The following DPP10 variants were observed in gnomAD, a reference collection of about 807,000 sequenced individuals.
The protein encoded by DPP10 is dipeptidyl peptidase like 10, also known as inactive dipeptidyl peptidase 10.
DPP10 carries 33 observed loss-of-function variants against 120.9 expected under a neutral mutation model. The ratio of observed to expected loss-of-function variants is 0.27; its 90% CI spans 0.21 to 0.37. DPP10 has a LOEUF of 0.37. Among genes scored for constraint, DPP10 ranks in the 10% least tolerant of loss-of-function variants. DPP10 has a pLI of 1.00. For synonymous variants in DPP10, 337 were observed against 326.1 expected (o/e 1.03, Z -0.36); for missense variants, 816 against 942.8 (o/e 0.87, Z 1.76).
At chr2:114,617,071 T>C (rs992065009) in intron 1 of DPP10, among the ~76,000 whole-genome samples, 1 of 152,086 alleles carries the variant, frequency 6.6e-6, no homozygotes, top group African/African-American at 2.4e-5. Flanking sequence ...ACACGTTCTA[T>C]AAGACAACTG....
At chr2:115,707,462 ACT>A (rs749106578) in intron 7 of DPP10, among the ~76,000 whole-genome samples, 2,854 of 134,374 alleles carry the variant, frequency 0.021, 72 homozygotes, top group South Asian at 0.076. Context: ...ACACACACAC[ACT>A]CTCTCCACAT....
chr2:115,388,668 A>G lies in DPP10; in HGVS notation c.271+44756A>G, dbSNP rs944360909. On this transcript the variant is annotated intron_variant, in intron 3 of 25. Coordinates refer to ENST00000410059, the MANE Select transcript of DPP10 (RefSeq NM_020868.6). ...AAATGCTATATTAACTTTCCTGATT[A>G]TGTTGTTTTTTTCTCCTACTAGACT... Among the ~76,000 whole-genome samples, 3 of 152,194 alleles carry G rather than the reference A, an allele frequency of 2.0e-5. No homozygotes were observed. The East Asian group carries it at 5.8e-4, about 29-fold the overall frequency.
chr2:114,946,349 G>C (rs1697346326), intron 1 of DPP10, among the ~76,000 whole-genome samples: 1 of 152,070 alleles, frequency 6.6e-6, no homozygotes. Context: ...TTTTTTTAAA[G>C]GAGGATCTAA....
At chr2:114,700,688 C>T (rs549540836) in intron 1 of DPP10, among the ~76,000 whole-genome samples, 14 of 152,116 alleles carry the variant, frequency 9.2e-5, no homozygotes, top group Middle Eastern at 6.8e-3. Flanking sequence ...GCCTTTATGA[C>T]GGAATTCATG....
chr2:114,738,724 T>A (rs968303942), intron 1 of DPP10, among the ~76,000 whole-genome samples: 11 of 152,248 alleles, frequency 7.2e-5, no homozygotes, highest in African/African-American at 2.6e-4. Context: ...AAAAGGAGAA[T>A]AGTAACTTCC....
intron 7 of DPP10, among the ~76,000 whole-genome samples, chr2:115,696,176 G>A (rs1007614771): frequency 6.6e-6 from 1 of 151,980 alleles, no homozygotes. Flanking sequence ...AGAGGGAGAT[G>A]AAGGGGTAGA....
intron 1 of DPP10, among the ~76,000 whole-genome samples, chr2:114,784,012 A>G (rs1029037312): frequency 2.0e-5 from 3 of 151,660 alleles, no homozygotes; most frequent in Non-Finnish European, 4.4e-5. Flanking sequence ...TGCCAGAAAA[A>G]CCTGACCTGC....
chr2:115,339,436 C>T (rs1183564311), intron 2 of DPP10, among the ~76,000 whole-genome samples: 1 of 152,020 alleles, frequency 6.6e-6, no homozygotes, highest in East Asian at 1.9e-4. Context: ...ACATTTGACC[C>T]AGCAACTGCA....
chr2:115,380,965 T>G (rs1050519643), intron 3 of DPP10, among the ~76,000 whole-genome samples: 1 of 152,206 alleles, frequency 6.6e-6, no homozygotes, highest in Non-Finnish European at 1.5e-5. Flanking sequence ...ACCTGACCTT[T>G]CTCTCTGGCT....
At position 115,427,460 on chromosome 2, in the gene DPP10, C is replaced by T. The variant is rs559565804; in HGVS notation, c.272-72050C>T. Reference sequence around the variant, plus strand: ...GTGCATGCCTACAGGCTTAACACTACGTGGAAACCACCAAGGCTTATGGTG... The same window carrying T: ...GTGCATGCCTACAGGCTTAACACTATGTGGAAACCACCAAGGCTTATGGTG... On this transcript the variant is annotated intron_variant, in intron 3 of 25. Coordinates refer to ENST00000410059, the MANE Select transcript of DPP10 (RefSeq NM_020868.6). Among the ~76,000 whole-genome samples, 20 of 152,336 alleles carry T rather than the reference C, an allele frequency of 1.3e-4. No individual in the cohort carries two copies. The South Asian group carries it at 3.1e-3, about 24-fold the overall frequency.
chr2:114,782,153 C>T lies in DPP10; in HGVS notation c.60+339315C>T, dbSNP rs191991536. On this transcript the variant is annotated intron_variant, in intron 1 of 25. Coordinates refer to ENST00000410059, the MANE Select transcript of DPP10 (RefSeq NM_020868.6). Reference sequence around the variant, plus strand: ...ACAGTTGTGCGTGTGTGTGCATGTACGTTGCATATTTTTTAATGGAATCTT... The same window carrying T: ...ACAGTTGTGCGTGTGTGTGCATGTATGTTGCATATTTTTTAATGGAATCTT... Among the ~76,000 whole-genome samples the T allele has an allele frequency of 4.6e-5, 7 of 151,840 alleles. No homozygotes were observed. In the East Asian group the frequency reaches 7.8e-4, roughly 17 times the overall value.
At chr2:114,546,163 TA>T (rs142662300) in intron 1 of DPP10, among the ~76,000 whole-genome samples, 2 of 150,894 alleles carry the variant, frequency 1.3e-5, no homozygotes, top group South Asian at 2.1e-4. Flanking sequence ...AGTAACTTAT[TA>T]AAAAAAAAGA....
At chr2:114,687,291 C>A (rs1699435725) in intron 1 of DPP10, among the ~76,000 whole-genome samples, 1 of 152,020 alleles carries the variant, frequency 6.6e-6, no homozygotes, top group South Asian at 2.1e-4. Context: ...AGGAAAGACT[C>A]CCTGGGGACT....
At chr2:114,898,562 A>T (rs887413635) in intron 1 of DPP10, among the ~76,000 whole-genome samples, 3 of 152,184 alleles carry the variant, frequency 2.0e-5, no homozygotes, top group African/African-American at 7.2e-5. Flanking sequence ...CAGGGCTTGG[A>T]ATGGAGTGTA....
At chr2:115,241,190 A>AC (rs1361791865) in intron 1 of DPP10, among the ~76,000 whole-genome samples, 1 of 152,012 alleles carries the variant, frequency 6.6e-6, no homozygotes, top group East Asian at 1.9e-4. Context: ...AATTGCTTGA[A>AC]CCCGGGAGGC....
intron 5 of DPP10, among the ~76,000 whole-genome samples, chr2:115,573,384 G>A (rs767632324): frequency 5.5e-5 from 8 of 146,462 alleles, no homozygotes; most frequent in African/African-American, 1.8e-4. Flanking sequence ...CCGGGTTCAC[G>A]CCATTCTCCT....
At chr2:114,859,282 C>T (rs1305758519) in intron 1 of DPP10, among the ~76,000 whole-genome samples, 2 of 151,124 alleles carry the variant, frequency 1.3e-5, no homozygotes, top group Non-Finnish European at 2.9e-5. Flanking sequence ...GCAGGAGAAT[C>T]GTTTGAACCC....
chr2:114,685,637 A>G (rs1216542153), intron 1 of DPP10, among the ~76,000 whole-genome samples: 2 of 151,980 alleles, frequency 1.3e-5, no homozygotes, highest in East Asian at 3.9e-4. Flanking sequence ...TTCCATGTTT[A>G]GCAAATGTCA....
chr2:115,034,671 T>C (rs1345986961), intron 1 of DPP10, among the ~76,000 whole-genome samples: 1 of 152,228 alleles, frequency 6.6e-6, no homozygotes, highest in Non-Finnish European at 1.5e-5. Context: ...CACTCAATAA[T>C]TCTTAGTTAA....
Sources: gnomAD v4.1 joint callset for allele counts (sites outside exome capture counted in the v4.1 genomes callset) on GRCh38, gnomAD v4.1.1 for gene constraint, MANE v1.5 for transcripts, NCBI Gene and HGNC (gene_info 2026-07-23, HGNC 2026-07-21) for gene names.